GLIS3: variants seen among roughly 807,000 people sequenced by gnomAD.
The protein encoded by GLIS3 is GLIS family zinc finger 3.
A neutral mutation model predicts 78.6 loss-of-function variants in GLIS3; 53 were observed. That is an observed-to-expected ratio of 0.67 (90% CI 0.54 to 0.85). The LOEUF (loss-of-function observed/expected upper bound fraction) is 0.85, where lower values mean the gene tolerates loss of function less well. Among genes scored for constraint, GLIS3 ranks in the 40% least tolerant of loss-of-function variants. The pLI is 0.00. For missense variants in GLIS3, 1,703 were observed against 1,231.1 expected (o/e 1.38, Z -5.74); for synonymous variants, 684 against 509.9 (o/e 1.34, Z -4.60).
At chr9:4,319,207 T>TATTGC (rs1817483411) in intron 2 of GLIS3, among the ~76,000 whole-genome samples, 1 of 152,222 alleles carries the variant, frequency 6.6e-6, no homozygotes, top group African/African-American at 2.4e-5. Context: ...TAGGTAATGG[T>TATTGC]ATTGCATTAA....
intron 4 of GLIS3, among the ~76,000 whole-genome samples, chr9:4,038,281 G>A (rs1049761860): frequency 3.0e-5 from 3 of 100,758 alleles, no homozygotes; most frequent in African/African-American, 1.3e-4. Flanking sequence ...AAGTGTGGTA[G>A]GAAACTTGTC....
At chr9:4,329,606 CCTCT>C (rs1432204708) in intron 2 of GLIS3, among the ~76,000 whole-genome samples, 1 of 151,982 alleles carries the variant, frequency 6.6e-6, no homozygotes, top group Non-Finnish European at 1.5e-5. Flanking sequence ...ACAACCCCAC[CCTCT>C]ATCTCTACAG....
chr9:4,131,245 A>C (rs1482844629), intron 2 of GLIS3, among the ~76,000 whole-genome samples: 2 of 152,164 alleles, frequency 1.3e-5, no homozygotes, highest in East Asian at 3.8e-4. Flanking sequence ...ATGAATCTTT[A>C]GACTTTGGAC....
At chr9:4,041,449 C>G (rs1222897973) in intron 4 of GLIS3, among the ~76,000 whole-genome samples, 1 of 152,136 alleles carries the variant, frequency 6.6e-6, no homozygotes, top group Non-Finnish European at 1.5e-5. Flanking sequence ...GCACCTTAGA[C>G]TTGGTGGAAA....
At chr9:3,834,191 G>T (rs1310147620) in intron 9 of GLIS3, among the ~76,000 whole-genome samples, 1 of 152,118 alleles carries the variant, frequency 6.6e-6, no homozygotes, top group African/African-American at 2.4e-5. Context: ...GTGATGACAG[G>T]TTAAAGAGTT....
intron 2 of GLIS3, among the ~76,000 whole-genome samples, chr9:4,258,811 G>A (rs1825229867): frequency 6.6e-6 from 1 of 152,132 alleles, no homozygotes; most frequent in Non-Finnish European, 1.5e-5. Context: ...ACAAAATACT[G>A]CACTACCCCA....
chr9:4,343,930 G>C (rs1255599584), intron 2 of GLIS3, among the ~76,000 whole-genome samples: 1 of 152,042 alleles, frequency 6.6e-6, no homozygotes, highest in African/African-American at 2.4e-5. Context: ...TGGAGGGTGG[G>C]AGGAGGGTGA....
At chr9:4,484,827 A>G in the GLIS3 span, among the ~76,000 whole-genome samples, 6 of 152,166 alleles carry the variant, frequency 3.9e-5, no homozygotes, top group African/African-American at 1.4e-4. Flanking sequence ...TCGTCTTTGT[A>G]GAACCAATGA....
chr9:4,130,911 T>C (rs1027135486), intron 2 of GLIS3, among the ~76,000 whole-genome samples: 3 of 152,162 alleles, frequency 2.0e-5, no homozygotes. Flanking sequence ...TGCCAGCCCA[T>C]GAAAACAGCT....
chr9:4,068,318 C>T (rs1010750162), intron 4 of GLIS3, among the ~76,000 whole-genome samples: 1 of 151,786 alleles, frequency 6.6e-6, no homozygotes, highest in Non-Finnish European at 1.5e-5. Flanking sequence ...TCTTATCTTA[C>T]AGAGAATCAG....
the GLIS3 span, among the ~76,000 whole-genome samples, chr9:4,448,978 G>A: frequency 6.6e-6 from 1 of 152,306 alleles, no homozygotes; most frequent in East Asian, 1.9e-4. Context: ...TGGACAGTGG[G>A]TGCAGCCTAT....
chr9:4,397,644 GAAGGAAGAA>G, the GLIS3 span, among the ~76,000 whole-genome samples: 7 of 113,642 alleles, frequency 6.2e-5, no homozygotes, highest in African/African-American at 2.3e-4. Context: ...GGAAGAAAAG[GAAGGAAGAA>G]AAGGAAGGAA....
At chr9:4,186,190 T>G (rs1817775773) in intron 2 of GLIS3, among the ~76,000 whole-genome samples, 1 of 128,688 alleles carries the variant, frequency 7.8e-6, no homozygotes, top group Admixed American at 8.6e-5. Context: ...GATGTTCCCC[T>G]TCCTGTGTCC....
Position 3,971,055 on chromosome 9 carries a change from G to C in GLIS3, c.1711-33866C>G, listed in dbSNP as rs536794204. On this transcript the variant is annotated intron_variant, in intron 4 of 10. Coordinates refer to ENST00000381971, the MANE Select transcript of GLIS3 (RefSeq NM_001042413.2). ...CAAAGGAAAGAAGGAAGGATCGAAGGAAGGAAGGAAGGATTAATTGAAGGA... is the reference window on the plus strand; with the variant it reads ...CAAAGGAAAGAAGGAAGGATCGAAGCAAGGAAGGAAGGATTAATTGAAGGA... 9.6e-5 allele frequency among the ~76,000 whole-genome samples: 11 copies of C among 115,040 alleles called. No homozygotes were observed. The East Asian group carries it at 2.2e-3, about 23-fold the overall frequency. The allele number at this position is 115,040 out of a possible 152,430, so 75.5% of individuals were successfully genotyped here.
chr9:4,286,456 T>C lies in GLIS3; in HGVS notation c.-31A>G. On this transcript the variant is annotated 5_prime_UTR_variant, in exon 2 of 11. The change creates a new upstream start codon in the 5' untranslated region. Coordinates refer to ENST00000381971, the MANE Select transcript of GLIS3 (RefSeq NM_001042413.2). ...AAAACCTGTGGCCAAGACGGTCAAATATCCAATGTCACTAATGACTCCTTT... is the reference window on the plus strand; with the variant it reads ...AAAACCTGTGGCCAAGACGGTCAAACATCCAATGTCACTAATGACTCCTTT... The C allele has an allele frequency of 1.9e-6, 3 of 1,612,398 alleles. No homozygotes were observed. The South Asian group carries it at 3.3e-5, about 18-fold the overall frequency.
chr9:4,177,027 T>C (rs1238451972), intron 2 of GLIS3, among the ~76,000 whole-genome samples: 4 of 152,218 alleles, frequency 2.6e-5, no homozygotes, highest in Non-Finnish European at 4.4e-5. Context: ...CCTGACAATA[T>C]GGGTATCCCC....
In GLIS3 at chr9:3,861,770, C is replaced by A. The variant is rs914761877; in HGVS notation, c.2298-5586G>T. On this transcript the variant is annotated intron_variant, in intron 8 of 10. Coordinates refer to ENST00000381971, the MANE Select transcript of GLIS3 (RefSeq NM_001042413.2). Reference sequence around the variant, plus strand: ...TGGACACAGGGAGGGGAACAGCACACACTGGGGCCTGTTAGTGGGTGCAGG... The same window carrying A: ...TGGACACAGGGAGGGGAACAGCACAAACTGGGGCCTGTTAGTGGGTGCAGG... Among the ~76,000 whole-genome samples, 6 of 152,136 alleles carry A rather than the reference C, an allele frequency of 3.9e-5. No homozygotes were observed. In the East Asian group the frequency reaches 1.2e-3, roughly 29 times the overall value.
chr9:3,874,382 G>A (rs1279428328), intron 8 of GLIS3, among the ~76,000 whole-genome samples: 6 of 152,184 alleles, frequency 3.9e-5, no homozygotes, highest in South Asian at 2.1e-4. Flanking sequence ...GTCCCTTCCC[G>A]TATGCCTTGA....
the GLIS3 span, among the ~76,000 whole-genome samples, chr9:4,399,112 T>C: frequency 6.6e-6 from 1 of 152,224 alleles, no homozygotes; most frequent in African/African-American, 2.4e-5. Flanking sequence ...TGCAGGATGA[T>C]TATAGTTAAC....
Sources: allele counts gnomAD v4.1 joint callset (sites outside exome capture counted in the v4.1 genomes callset), GRCh38; gene constraint gnomAD v4.1.1; transcripts MANE v1.5; gene names NCBI Gene and HGNC (gene_info 2026-07-23, HGNC 2026-07-21).